Variants in CEP85L observed in about 807,000 individuals in gnomAD.
CEP85L encodes the protein centrosomal protein of 85 kDa-like.
A neutral mutation model predicts 100.3 loss-of-function variants in CEP85L; 60 were observed. The observed-to-expected ratio is 0.60, with a 90% CI of 0.49 to 0.74. The LOEUF is 0.74. Among genes scored for constraint, CEP85L ranks in the 30% least tolerant of loss-of-function variants. The pLI is 0.00. For synonymous variants in CEP85L, 319 were observed against 322.7 expected (o/e 0.99, Z 0.12); for missense variants, 973 against 936.2 (o/e 1.04, Z -0.51).
At chr6:118,598,270 G>A (rs1184289341) in intron 2 of CEP85L, among the ~76,000 whole-genome samples, 1 of 152,148 alleles carries the variant, frequency 6.6e-6, no homozygotes, top group Non-Finnish European at 1.5e-5. Flanking sequence ...ACTCAACTTT[G>A]TTCAATTACT....
At chr6:118,625,133 C>A (rs1202349523) in intron 2 of CEP85L, among the ~76,000 whole-genome samples, 1 of 152,238 alleles carries the variant, frequency 6.6e-6, no homozygotes, top group African/African-American at 2.4e-5. Flanking sequence ...GGCCTCAAAT[C>A]TCACATGTAT....
At chr6:118,645,959 C>G (rs1583218349) in intron 1 of CEP85L, among the ~76,000 whole-genome samples, 2 of 152,212 alleles carry the variant, frequency 1.3e-5, no homozygotes, top group Non-Finnish European at 2.9e-5. Context: ...GTGGCTCACG[C>G]CTTAATCCCA....
intron 5 of CEP85L, among the ~76,000 whole-genome samples, chr6:118,494,590 G>T (rs962773979): frequency 6.6e-6 from 1 of 152,046 alleles, no homozygotes; most frequent in Non-Finnish European, 1.5e-5. Flanking sequence ...CCCGCCTAAG[G>T]GTGGGGAAAG....
intron 2 of CEP85L, among the ~76,000 whole-genome samples, chr6:118,584,965 T>C (rs766331865): frequency 5.3e-5 from 8 of 152,208 alleles, no homozygotes; most frequent in Non-Finnish European, 1.2e-4. Flanking sequence ...TGAGCATGAC[T>C]ATGAACAAAT....
chr6:118,490,600 T>C (rs1582899683), intron 6 of CEP85L, among the ~76,000 whole-genome samples: 3 of 152,248 alleles, frequency 2.0e-5, no homozygotes, highest in Admixed American at 2.0e-4. Flanking sequence ...CAGGTATTTA[T>C]CCAAGATAAA....
At chr6:118,473,135 A>G (rs992704196) in intron 10 of CEP85L, among the ~76,000 whole-genome samples, 9 of 152,216 alleles carry the variant, frequency 5.9e-5, no homozygotes, top group African/African-American at 2.2e-4. Context: ...TTCATGCAAA[A>G]ATCATTGCCA....
intron 2 of CEP85L, among the ~76,000 whole-genome samples, chr6:118,622,259 C>T (rs1583182605): frequency 6.6e-6 from 1 of 152,324 alleles, no homozygotes; most frequent in Middle Eastern, 3.4e-3. Context: ...AAGTTTGTGG[C>T]TCTCAGATAA....
chr6:118,525,820 T>C (rs1776929998), intron 3 of CEP85L, among the ~76,000 whole-genome samples: 1 of 152,234 alleles, frequency 6.6e-6, no homozygotes, highest in South Asian at 2.1e-4. Context: ...ACACAGTTCT[T>C]TGGCAAGCCA....
At chr6:118,473,033 A>G (rs1482230807) in intron 10 of CEP85L, among the ~76,000 whole-genome samples, 4 of 152,228 alleles carry the variant, frequency 2.6e-5, no homozygotes, top group Non-Finnish European at 5.9e-5. Flanking sequence ...TTTAAAAGGA[A>G]CTATTTTGAA....
In CEP85L at chr6:118,549,707, T is replaced by A. The variant is rs139659697; in HGVS notation, c.1020+15822A>T. Among the ~76,000 whole-genome samples the A allele has an allele frequency of 9.5e-4, 144 of 152,030 alleles. 1 individual carries two copies. The highest frequency in any genetic ancestry group is 3.4e-3 in the Middle Eastern group (1 of 294). On this transcript the variant is annotated intron_variant, in intron 3 of 12. Coordinates refer to ENST00000368491, the MANE Select transcript of CEP85L (RefSeq NM_001042475.3). ...AAAGTCATTCAGTGTAGGTGTCTTA[T>A]GTTATTTGTGCATTTTTATTCAAAT...
At chr6:118,518,171 C>CA (rs1288782647) in intron 4 of CEP85L, among the ~76,000 whole-genome samples, 5 of 152,062 alleles carry the variant, frequency 3.3e-5, no homozygotes, top group Non-Finnish European at 5.9e-5. Flanking sequence ...TGTTCATCAG[C>CA]AATATTGGCC....
rs1462397482 is a variant in CEP85L at position 118,483,686 on chromosome 6, A to G, written c.1590+20T>C. The G allele has an allele frequency of 1.3e-6, 2 of 1,591,660 alleles. No individual in the cohort carries two copies. The highest frequency in any genetic ancestry group is 1.7e-6 in the Non-Finnish European group (2 of 1,171,794). ...CATGTTTTCATGTCATTTAAAGATA[A>G]GCATTTTATTTCATGTTACCTGTAG... On this transcript the variant is annotated intron_variant, in intron 7 of 12. Transcript: ENST00000368491.
intron 2 of CEP85L, among the ~76,000 whole-genome samples, chr6:118,579,562 A>C (rs766609051): frequency 6.6e-6 from 1 of 152,234 alleles, no homozygotes; most frequent in Non-Finnish European, 1.5e-5. Context: ...AATTTTTACA[A>C]ATCAAACTAT....
upstream of CEP85L, chr6:118,656,729 G>A (rs1471869191): frequency 6.6e-6 from 1 of 152,104 alleles, no homozygotes; most frequent in African/African-American, 2.4e-5. Flanking sequence ...GTGTTATTGG[G>A]ATGTCCATCA....
At chr6:118,651,790 CCT>C, upstream of CEP85L, 1 of 986,124 alleles carries the variant, frequency 1.0e-6, no homozygotes, top group South Asian at 4.7e-5. Flanking sequence ...CCGCCGCATC[CCT>C]CTGTCTCCAT....
intron 4 of CEP85L, among the ~76,000 whole-genome samples, chr6:118,519,765 A>T (rs1776550748): frequency 6.6e-6 from 1 of 152,062 alleles, no homozygotes; most frequent in Non-Finnish European, 1.5e-5. Flanking sequence ...AAAGTTTAGG[A>T]AATAAAAAAT....
intron 2 of CEP85L, among the ~76,000 whole-genome samples, chr6:118,631,595 A>G (rs988945367): frequency 1.3e-5 from 2 of 151,976 alleles, no homozygotes; most frequent in South Asian, 4.1e-4. Context: ...GTAAATGGTT[A>G]AAGTGTATTC....
Position 118,566,336 on chromosome 6 carries a change from T to A in CEP85L, c.233-20A>T. The A allele has an allele frequency of 6.3e-7, 1 of 1,579,276 alleles. No individual in the cohort carries two copies. Among genetic ancestry groups the A allele is most frequent in the Middle Eastern group, 1.7e-4 (1 of 5,946 alleles). Reference sequence around the variant, plus strand: ...AATGATCTGGAAAGAAAAAAGATGGTCAAATTAGTTACAATTAACAGACAA... The same window carrying A: ...AATGATCTGGAAAGAAAAAAGATGGACAAATTAGTTACAATTAACAGACAA... On this transcript the variant is annotated intron_variant, in intron 2 of 12. Coordinates refer to ENST00000368491, the MANE Select transcript of CEP85L (RefSeq NM_001042475.3).
intron 2 of CEP85L, among the ~76,000 whole-genome samples, chr6:118,575,918 G>T (rs567518661): frequency 6.6e-6 from 1 of 151,916 alleles, no homozygotes; most frequent in African/African-American, 2.4e-5. Context: ...CCAACAGGCC[G>T]CCTCAAGTAT....
Sources: gnomAD v4.1 joint callset for allele counts (sites outside exome capture counted in the v4.1 genomes callset) on GRCh38, gnomAD v4.1.1 for gene constraint, MANE v1.5 for transcripts, NCBI Gene and HGNC (gene_info 2026-07-23, HGNC 2026-07-21) for gene names.